The following ROCK1 variants were observed in gnomAD, a reference collection of about 807,000 sequenced individuals.
ROCK1 encodes the protein Rho associated coiled-coil containing protein kinase 1.
In ROCK1, 36 loss-of-function variants were observed where a neutral mutation model predicts 196.8. The observed-to-expected ratio is 0.18, with a 90% CI of 0.14 to 0.24. ROCK1 has a LOEUF of 0.24. Among genes scored for constraint, ROCK1 ranks in the 10% least tolerant of loss-of-function variants. The pLI is 1.00. For missense variants in ROCK1, 920 were observed against 1,562.0 expected (o/e 0.59, Z 6.93); for synonymous variants, 443 against 515.9 (o/e 0.86, Z 1.91).
rs1252135497 is a variant in ROCK1 at position 21,009,199 on chromosome 18, G to C, written c.1411-1005C>G. ...TTTTTTTTTTTTTGTATTTTTAATA[G>C]AGATGGGGTTTCACCATGTTGGCCA... is the stretch of plus-strand genomic sequence containing the variant. On this transcript the variant is annotated intron_variant, in intron 13 of 32. Transcript: ENST00000399799. Among the ~76,000 whole-genome samples, 3 of 112,798 alleles carry C rather than the reference G, an allele frequency of 2.7e-5. No homozygotes were observed. The South Asian group carries it at 9.2e-4, about 35-fold the overall frequency. 74.0% of individuals were successfully genotyped at this position (112,798 alleles called of 152,430 possible).
intron 20 of ROCK1, among the ~76,000 whole-genome samples, chr18:20,984,092 AC>A (rs1158445257): frequency 1.3e-5 from 2 of 152,210 alleles, no homozygotes; most frequent in Non-Finnish European, 2.9e-5. Flanking sequence ...CCTACAAGGC[AC>A]CGTGATTTTT....
chr18:21,032,980 G>A (rs144555367), intron 9 of ROCK1, among the ~76,000 whole-genome samples: 24 of 152,130 alleles, frequency 1.6e-4, no homozygotes, highest in Admixed American at 1.6e-3. Context: ...GGTGGCTTAA[G>A]ACCAGGAGTT....
At position 20,964,089 on chromosome 18, in the gene ROCK1, AAAT is replaced by A. The variant is rs760883598; in HGVS notation, c.3352+2825_3352+2827del. On this transcript the variant is annotated intron_variant, in intron 27 of 32. Coordinates refer to ENST00000399799, the MANE Select transcript of ROCK1 (RefSeq NM_005406.3). ...TATACTGAATGATGAAATATAAGAG[AAAT>A]AATAAAAGTTGCAGTGTCAGTTTAT... Among the ~76,000 whole-genome samples the A allele has an allele frequency of 7.0e-4, 107 of 152,302 alleles. No individual in the cohort carries two copies. The Middle Eastern group carries it at 0.01, about 15-fold the overall frequency.
Position 21,044,121 on chromosome 18 carries a change from G to T in ROCK1, c.656C>A (p.Thr219Asn). 1 of 1,607,446 alleles carries T rather than the reference G, an allele frequency of 6.2e-7. No homozygotes were observed. Among genetic ancestry groups the T allele is most frequent in the Non-Finnish European group, 8.5e-7 (1 of 1,175,868 alleles). The change falls in exon 6 of 33, where the codon ACT (threonine) becomes AAT (asparagine). Residue 219 changes from threonine (T) to asparagine (N), a missense_variant. Around this residue, in one of 6 missense-constraint regions of ROCK1, gnomAD observed 234 missense variants for 460.7 expected, o/e 0.51. Coordinates refer to ENST00000399799, the MANE Select transcript of ROCK1 (RefSeq NM_005406.3). ...ATTAACCTTATTCATCTTCATACAA[G>T]TACCAAAATCTGCTAACTTCAAATG... ...SGHLKLADFGTCMKMNKEGMV... is the reference protein window; with the variant it reads ...SGHLKLADFGNCMKMNKEGMV...
intron 1 of ROCK1, among the ~76,000 whole-genome samples, chr18:21,073,464 T>C (rs914923879): frequency 5.3e-5 from 8 of 152,146 alleles, no homozygotes; most frequent in Non-Finnish European, 1.0e-4. Context: ...CTACAAACTT[T>C]AGTTTTCTGG....
chr18:21,100,816 C>T (rs559373239), intron 1 of ROCK1, among the ~76,000 whole-genome samples: 3 of 152,284 alleles, frequency 2.0e-5, no homozygotes, highest in African/African-American at 7.2e-5. Flanking sequence ...TGAAAGCACA[C>T]TCCCCATCAG....
At chr18:20,994,857 A>C (rs2035657196) in intron 16 of ROCK1, among the ~76,000 whole-genome samples, 2 of 152,242 alleles carry the variant, frequency 1.3e-5, no homozygotes, top group South Asian at 4.1e-4. Flanking sequence ...AGAAAATATA[A>C]AAACATAATG....
Position 21,111,274 on chromosome 18 carries a change from G to A in ROCK1, c.-364C>T, listed in dbSNP as rs1354139082. 5 of 471,742 alleles carry A rather than the reference G, an allele frequency of 1.1e-5. No homozygotes were observed. The highest frequency in any genetic ancestry group is 1.0e-4 in the African/African-American group (5 of 49,248). 29.2% of individuals were successfully genotyped at this position (471,742 alleles called of 1,614,324 possible). A position where few individuals can be genotyped will look rare whatever the true frequency, so the allele number is the denominator to read the frequency against. On this transcript the variant is annotated 5_prime_UTR_variant, in exon 1 of 33. Transcript: ENST00000399799. This position sits in a 1 kb window ranked among gnomAD's most constrained non-coding sequence, Gnocchi z 4.2. ...TCCCCGTCCCGAGATGGGCAGGAGC[G>A]GGTAGAGAAAGAGAAGCAGGGTGGA... is the stretch of plus-strand genomic sequence containing the variant.
At chr18:21,047,873 T>C (rs1160794811) in intron 4 of ROCK1, among the ~76,000 whole-genome samples, 1 of 152,140 alleles carries the variant, frequency 6.6e-6, no homozygotes, top group African/African-American at 2.4e-5. Context: ...ACTGGTATGC[T>C]TTTTAAGGAC....
chr18:21,067,423 G>C (rs1355527880), intron 2 of ROCK1, among the ~76,000 whole-genome samples: 1 of 120,414 alleles, frequency 8.3e-6, no homozygotes, highest in African/African-American at 3.2e-5. Flanking sequence ...GTCTTGCTCT[G>C]TCGCCCAGGC....
intron 2 of ROCK1, among the ~76,000 whole-genome samples, chr18:21,060,648 T>C (rs906844949): frequency 6.6e-6 from 1 of 152,094 alleles, no homozygotes; most frequent in Non-Finnish European, 1.5e-5. Context: ...AAGATCAGCC[T>C]GACCAACATG....
intron 4 of ROCK1, among the ~76,000 whole-genome samples, chr18:21,048,813 G>A (rs2036182122): frequency 6.6e-6 from 1 of 152,086 alleles, no homozygotes; most frequent in Admixed American, 6.6e-5. Flanking sequence ...TCCTCCCAAA[G>A]TATTCAGATA....
At chr18:21,077,646 T>A (rs530499251) in intron 1 of ROCK1, among the ~76,000 whole-genome samples, 1 of 152,098 alleles carries the variant, frequency 6.6e-6, no homozygotes, top group African/African-American at 2.4e-5. Context: ...AAAGCAGCCA[T>A]GTATACAGGA....
At chr18:20,998,926 G>A (rs535048912) in intron 16 of ROCK1, among the ~76,000 whole-genome samples, 2 of 152,144 alleles carry the variant, frequency 1.3e-5, no homozygotes, top group African/African-American at 2.4e-5. Flanking sequence ...AACATTTAAA[G>A]ATGAACAAAT....
chr18:21,034,663 C>T (rs1367281962), intron 9 of ROCK1, among the ~76,000 whole-genome samples: 1 of 152,062 alleles, frequency 6.6e-6, no homozygotes, highest in Non-Finnish European at 1.5e-5. Flanking sequence ...GGTCAAAGAC[C>T]TAAACATACT....
intron 2 of ROCK1, among the ~76,000 whole-genome samples, chr18:21,058,496 A>G (rs775315463): frequency 6.6e-6 from 1 of 152,234 alleles, no homozygotes; most frequent in Non-Finnish European, 1.5e-5. Context: ...CCCAGTATAC[A>G]TTGCATACTT....
chr18:21,098,635 CA>C (rs56405711), intron 1 of ROCK1, among the ~76,000 whole-genome samples: 110,393 of 140,958 alleles, frequency 0.78, 46,684 homozygotes, highest in Non-Finnish European at 0.95. Context: ...TGAAAAATTG[CA>C]AAAAAAAAAA....
intron 19 of ROCK1, among the ~76,000 whole-genome samples, chr18:20,986,592 T>C (rs552880737): frequency 3.9e-5 from 6 of 152,226 alleles, no homozygotes; most frequent in Non-Finnish European, 8.8e-5. Flanking sequence ...TTAAACACTT[T>C]TATTGAAATC....
At chr18:21,104,422 C>A (rs2036685700) in intron 1 of ROCK1, among the ~76,000 whole-genome samples, 1 of 152,058 alleles carries the variant, frequency 6.6e-6, no homozygotes, top group Non-Finnish European at 1.5e-5. Flanking sequence ...ACGGTGAAAC[C>A]CTGTCTCTAC....
Sources: gnomAD v4.1 joint callset for allele counts (sites outside exome capture counted in the v4.1 genomes callset) on GRCh38, gnomAD v4.1.1 for gene constraint, gnomAD v4.1.1 regional missense constraint, Gnocchi (gnomAD v3.1) non-coding constraint, MANE v1.5 for transcripts, NCBI Gene and HGNC (gene_info 2026-07-23, HGNC 2026-07-21) for gene names.